Variants in PADI2 observed in about 807,000 individuals in gnomAD.
The protein encoded by PADI2 is peptidyl arginine deiminase 2.
A neutral mutation model predicts 81.1 loss-of-function variants in PADI2; 70 were observed. That is an observed-to-expected ratio of 0.86 (90% CI 0.71 to 1.05). PADI2 has a LOEUF of 1.05. PADI2 is among the 50% of genes least tolerant of loss of function. The pLI, the probability that PADI2 is intolerant of heterozygous loss-of-function variation, is 0.00. For missense variants in PADI2, 853 were observed against 889.9 expected, an observed-to-expected ratio of 0.96 and a Z score of 0.53; for synonymous variants, 338 against 358.0, an observed-to-expected ratio of 0.94 and a Z score of 0.63.
intron 1 of PADI2, among the ~76,000 whole-genome samples, chr1:17,118,829 G>C (rs1426811496): frequency 6.6e-6 from 1 of 152,168 alleles, no homozygotes; most frequent in Non-Finnish European, 1.5e-5. Context: ...TCCTGCCCCA[G>C]TCCCCGGCAA....
At chr1:17,088,662 A>C (rs1930553254) in intron 6 of PADI2, among the ~76,000 whole-genome samples, 1 of 151,742 alleles carries the variant, frequency 6.6e-6, no homozygotes, top group Admixed American at 6.6e-5. Context: ...TAATCCCAGC[A>C]CTTTGGGATG....
rs2078227868 is a variant in PADI2 at position 17,067,135 on chromosome 1, C to G, written c.*1909G>C. The G allele has an allele frequency of 1.3e-5, 2 of 149,928 alleles. No homozygotes were observed. The highest frequency in any genetic ancestry group is 2.9e-5 in the Non-Finnish European group (2 of 67,806). The allele number at this position is 149,928 out of a possible 1,614,324, so 9.3% of individuals were successfully genotyped here. ...AAATTACCGACATCATTGGGGAAAG[C>G]CTTAGAAAAATCTATAAAGACACAC... On this transcript the variant is annotated 3_prime_UTR_variant, in exon 16 of 16. Transcript: ENST00000375486.
At chr1:17,096,297 G>A (rs573079753) in intron 3 of PADI2, among the ~76,000 whole-genome samples, 1 of 152,226 alleles carries the variant, frequency 6.6e-6, no homozygotes, top group Non-Finnish European at 1.5e-5. Flanking sequence ...CAGTTCAGAG[G>A]TGAAGTCGCA....
At chr1:17,099,897 A>C (rs1312298671) in intron 3 of PADI2, among the ~76,000 whole-genome samples, 1 of 152,204 alleles carries the variant, frequency 6.6e-6, no homozygotes, top group Non-Finnish European at 1.5e-5. Flanking sequence ...GCTGGAGGGG[A>C]CAGAGAAAGA....
At chr1:17,085,715 G>C (rs1015789283) in intron 7 of PADI2, among the ~76,000 whole-genome samples, 8 of 152,192 alleles carry the variant, frequency 5.3e-5, no homozygotes, top group Non-Finnish European at 8.8e-5. Context: ...TGGGCAGTCG[G>C]CTGCCAGGGC....
chr1:17,071,371 G>A (rs1008587377), intron 14 of PADI2, 35 bp downstream of exon 14: 2 of 1,505,340 alleles, frequency 1.3e-6, no homozygotes, highest in South Asian at 2.3e-5. Flanking sequence ...CCCTCCCAGG[G>A]GCCCTCTGGC....
At chr1:17,081,435 G>A (rs1290154305) in intron 10 of PADI2, among the ~76,000 whole-genome samples, 3 of 152,168 alleles carry the variant, frequency 2.0e-5, no homozygotes, top group Non-Finnish European at 2.9e-5. Context: ...ACTCAAGACC[G>A]GGTCCACCTG....
chr1:17,088,852 A>G (rs975085736), intron 6 of PADI2, among the ~76,000 whole-genome samples: 3 of 148,490 alleles, frequency 2.0e-5, no homozygotes, highest in Non-Finnish European at 4.5e-5. Context: ...GATTGTGGTG[A>G]GCCAAGATTG....
intron 3 of PADI2, among the ~76,000 whole-genome samples, chr1:17,097,561 T>C (rs991176945): frequency 6.6e-6 from 1 of 152,126 alleles, no homozygotes; most frequent in African/African-American, 2.4e-5. Flanking sequence ...CCGGGAGCTG[T>C]ACCAGGCAAC....
At chr1:17,099,644 G>C (rs1193630964) in intron 3 of PADI2, among the ~76,000 whole-genome samples, 1 of 152,190 alleles carries the variant, frequency 6.6e-6, no homozygotes, top group Non-Finnish European at 1.5e-5. Flanking sequence ...CCAAATCCCA[G>C]AAGGAAGAAG....
intron 8 of PADI2, 52 bp from the exon 9 acceptor site, chr1:17,083,889 C>CA (rs772833836): frequency 9.5e-7 from 1 of 1,048,038 alleles, no homozygotes; most frequent in Non-Finnish European, 1.5e-6. Flanking sequence ...GAGGAGGGGC[C>CA]AGAGTCATCT....
In PADI2 at chr1:17,104,528, G is replaced by A. The variant is rs534666248; in HGVS notation, c.276+350C>T. ...CGGCTCACTGCAAGCTCCGCCTCCCGGGTTCACGCCATTCTCCTGCCTCAG... is the reference window on the plus strand; with the variant it reads ...CGGCTCACTGCAAGCTCCGCCTCCCAGGTTCACGCCATTCTCCTGCCTCAG... On this transcript the variant is annotated intron_variant, in intron 2 of 15. Transcript: ENST00000375486. Among the ~76,000 whole-genome samples, 776 of 121,732 alleles carry A rather than the reference G, an allele frequency of 6.4e-3. 4 individuals are homozygous for A. The highest frequency in any genetic ancestry group is 0.038 in the Middle Eastern group (6 of 156). The allele number at this position is 121,732 out of a possible 152,430, so 79.9% of individuals were successfully genotyped here. A position where few individuals can be genotyped will look rare whatever the true frequency, so the allele number is the denominator to read the frequency against.
chr1:17,073,114 A>G (rs981553814), intron 13 of PADI2, among the ~76,000 whole-genome samples: 1 of 152,148 alleles, frequency 6.6e-6, no homozygotes, highest in Non-Finnish European at 1.5e-5. Context: ...AAAAGTGACA[A>G]AAGTAATTTA....
intron 2 of PADI2, among the ~76,000 whole-genome samples, chr1:17,104,099 G>C (rs533277210): frequency 1.2e-4 from 18 of 149,894 alleles, no homozygotes; most frequent in South Asian, 6.4e-4. Context: ...TGGCTAACAC[G>C]GTGAAACCCC....
chr1:17,100,324 G>A (rs563085280), intron 3 of PADI2, among the ~76,000 whole-genome samples: 14 of 152,190 alleles, frequency 9.2e-5, no homozygotes, highest in African/African-American at 1.4e-4. Context: ...TCATTCTGTC[G>A]CCGAGGCTGG....
In PADI2 at chr1:17,067,219, AAAAG is replaced by A. The variant is rs2078229013; in HGVS notation, c.*1821_*1824del. On this transcript the variant is annotated 3_prime_UTR_variant, in exon 16 of 16. Transcript: ENST00000375486. ...ATGTAGACTAAAAAAAAAAAGAAAA[AAAAG>A]AAAGAAAACCCATAAACCCACATTA... The A allele has an allele frequency of 6.7e-6, 1 of 150,092 alleles. No individual in the cohort carries two copies. 9.3% of individuals were successfully genotyped at this position (150,092 alleles called of 1,614,324 possible).
rs1397507580 is a variant in PADI2 at position 17,083,706 on chromosome 1, C to A, written c.1050+20G>T. ...GACCCGGGGGCCATGTCCTTCCCAG[C>A]CTGGACCTGGGCTCCTTACCTGGAT... On this transcript the variant is annotated intron_variant, in intron 9 of 15. Transcript: ENST00000375486. 1 of 1,513,926 alleles carries A rather than the reference C, an allele frequency of 6.6e-7. No homozygotes were observed. Among genetic ancestry groups the A allele is most frequent in the South Asian group, 1.1e-5 (1 of 89,076 alleles). The allele number at this position is 1,513,926 out of a possible 1,614,324, so 93.8% of individuals were successfully genotyped here.
intron 1 of PADI2, among the ~76,000 whole-genome samples, chr1:17,112,118 A>G (rs939995795): frequency 6.6e-6 from 1 of 152,112 alleles, no homozygotes; most frequent in Admixed American, 6.5e-5. Context: ...GGAAAGCAAC[A>G]GAGGAAGTGG....
chr1:17,099,829 G>A (rs557754756), intron 3 of PADI2, among the ~76,000 whole-genome samples: 6 of 152,310 alleles, frequency 3.9e-5, no homozygotes, highest in East Asian at 3.9e-4. Context: ...TCTGTGAAGC[G>A]CATTTTATAG....
Sources: allele counts gnomAD v4.1 joint callset (sites outside exome capture counted in the v4.1 genomes callset), GRCh38; gene constraint gnomAD v4.1.1; transcripts MANE v1.5; gene names NCBI Gene and HGNC (gene_info 2026-07-23, HGNC 2026-07-21).